Variants in CACNA1H observed in about 807,000 individuals in gnomAD.
CACNA1H encodes the protein calcium voltage-gated channel subunit alpha1 H.
Under a neutral mutation model 192.5 loss-of-function variants are expected in CACNA1H, and 149 were observed. The observed-to-expected ratio is 0.77, with a 90% CI of 0.68 to 0.89. The LOEUF (loss-of-function observed/expected upper bound fraction) is 0.89, where lower values mean the gene tolerates loss of function less well. Among genes scored for constraint, CACNA1H ranks in the 40% least tolerant of loss-of-function variants. The probability of loss-of-function intolerance (pLI) is 0.00; values close to 1 mark genes in which losing one functional copy is unlikely to be tolerated. For synonymous variants in CACNA1H, 2,202 were observed against 1,475.2 expected, an observed-to-expected ratio of 1.49 and a Z score of -11.29; for missense variants, 4,257 against 3,423.5, an observed-to-expected ratio of 1.24 and a Z score of -6.08.
At chr16:1,196,714 G>C (rs986875902) in intron 5 of CACNA1H, among the ~76,000 whole-genome samples, 1 of 152,294 alleles carries the variant, frequency 6.6e-6, no homozygotes, top group South Asian at 2.1e-4. Flanking sequence ...TCTGCTGTGC[G>C]CTGGGTGTGA....
intron 2 of CACNA1H, among the ~76,000 whole-genome samples, chr16:1,184,820 T>C (rs1313710424): frequency 6.6e-6 from 1 of 152,210 alleles, no homozygotes; most frequent in African/African-American, 2.4e-5. Flanking sequence ...GAAGGGAAGC[T>C]GCCATTTAAA....
intron 17 of CACNA1H, 71 bp downstream of exon 17, chr16:1,209,483 T>C: frequency 6.4e-7 from 1 of 1,556,980 alleles, no homozygotes. Flanking sequence ...TCAAGTGGGG[T>C]TTGAGATGGG....
intron 2 of CACNA1H, among the ~76,000 whole-genome samples, chr16:1,168,186 T>A (rs569744378): frequency 1.3e-5 from 2 of 150,048 alleles, no homozygotes; most frequent in East Asian, 3.9e-4. Context: ...GGGCGGTTGA[T>A]GTGGGATCCC....
intron 2 of CACNA1H, among the ~76,000 whole-genome samples, chr16:1,160,372 C>A (rs1051330604): frequency 3.9e-5 from 6 of 152,304 alleles, no homozygotes; most frequent in African/African-American, 1.2e-4. Flanking sequence ...TGGGCAGATA[C>A]AAGGGGTGAA....
Position 1,212,485 on chromosome 16 carries a change from C to T in CACNA1H, c.4760-26C>T, listed in dbSNP as rs534591396. The T allele has an allele frequency of 1.4e-5, 22 of 1,608,950 alleles. No individual in the cohort carries two copies. The African/African-American group carries it at 2.5e-4, about 19-fold the overall frequency. On this transcript the variant is annotated intron_variant, in intron 25 of 34. Coordinates refer to ENST00000348261, the MANE Select transcript of CACNA1H (RefSeq NM_021098.3). ...GCCCGAGTGCGCCACGCCCTCGGCC[C>T]TCAGACCATCTCCTTGTCTTTCCAG...
In CACNA1H at chr16:1,153,121, G is replaced by A. The variant is rs1367968575; in HGVS notation, c.-368G>A. 1 of 143,054 alleles carries A rather than the reference G, an allele frequency of 7.0e-6. No homozygotes were observed. Among genetic ancestry groups the A allele is most frequent in the Non-Finnish European group, 1.5e-5 (1 of 64,530 alleles). The allele number at this position is 143,054 out of a possible 1,614,324, so 8.9% of individuals were successfully genotyped here. ...CCCGCCGCTCAGCCCGAAGTTTCCT[G>A]CGCCGCGCGCGGACGGGCTCGAGGC... On this transcript the variant is annotated 5_prime_UTR_variant, in exon 1 of 35. Coordinates refer to ENST00000348261, the MANE Select transcript of CACNA1H (RefSeq NM_021098.3).
chr16:1,162,003 G>T (rs922028713), intron 2 of CACNA1H, among the ~76,000 whole-genome samples: 15 of 152,328 alleles, frequency 9.8e-5, no homozygotes, highest in African/African-American at 3.6e-4. Context: ...ACTGGCAGAG[G>T]TGGGCACTGA....
chr16:1,220,143 A>G lies in CACNA1H; in HGVS notation c.6211A>G (p.Lys2071Glu). 1 of 1,508,954 alleles carries G rather than the reference A, an allele frequency of 6.6e-7. No homozygotes were observed. The highest frequency in any genetic ancestry group is 8.8e-7 in the Non-Finnish European group (1 of 1,130,104). The allele number at this position is 1,508,954 out of a possible 1,614,324, so 93.5% of individuals were successfully genotyped here. ...ACGGCCCGCCAGCGTCCGCACTCGT[A>G]AGCATACCTTCGGACAGCGCTGCGT... ...SPRPASVRTR[K>E]HTFGQRCVSS... The change falls in exon 35 of 35, where the codon AAG becomes GAG. Residue 2071 changes from lysine (K) to glutamate (E), a missense_variant. Physicochemically the swap from Lys to Glu is moderately conservative, Grantham distance 56. Transcript: ENST00000348261.
chr16:1,157,577 C>G (rs971898994), intron 2 of CACNA1H: 3 of 152,298 alleles, frequency 2.0e-5, no homozygotes, highest in African/African-American at 7.2e-5. Flanking sequence ...CGCCTGCGCC[C>G]GCCTCCCCGG....
chr16:1,211,340 G>T lies in CACNA1H; in HGVS notation c.4350+46G>T, dbSNP rs369268913. 3.1e-6 allele frequency: 5 copies of T among 1,610,326 alleles called. No homozygotes were observed. In the African/African-American group the frequency reaches 6.7e-5, roughly 22 times the overall value. ...CGGGGGTCTGCCCCGTCGCAGACAG[G>T]GTCTGCCTTCCCAGCGTGGCTCCCA... On this transcript the variant is annotated intron_variant, in intron 22 of 34. Transcript: ENST00000348261.
chr16:1,211,141 T>A, intron 21 of CACNA1H, 27 bp from the exon 22 acceptor site: 1 of 1,609,616 alleles, frequency 6.2e-7, no homozygotes, highest in Non-Finnish European at 8.5e-7. Context: ...CATAGATGAC[T>A]GCAGTGTATC....
chr16:1,170,496 G>A (rs1395653404), intron 2 of CACNA1H, among the ~76,000 whole-genome samples: 1 of 152,208 alleles, frequency 6.6e-6, no homozygotes, highest in Non-Finnish European at 1.5e-5. Context: ...ACCGTGAACA[G>A]TGAAAGACGT....
At position 1,219,105 on chromosome 16, in the gene CACNA1H, G is replaced by A. The variant is rs750277154; in HGVS notation, c.6023G>A (p.Ser2008Asn). Reference protein sequence around the residue: ...LSPRGTARSPSLSRLLCRQEA... With the variant: ...LSPRGTARSPNLSRLLCRQEA... ...CCTCGGGGCACAGCCCGCTCCCCCA[G>A]TCTCAGCCGGCTGCTCTGCAGACAG... is the stretch of plus-strand genomic sequence containing the variant. Residue 2008 changes from serine (S) to asparagine (N), a missense_variant, in exon 34 of 35, where the codon AGT (serine) becomes AAT (asparagine). Physicochemically the swap from Ser to Asn is conservative, Grantham distance 46 (BLOSUM62 1). Coordinates refer to ENST00000348261, the MANE Select transcript of CACNA1H (RefSeq NM_021098.3). 1 of 1,545,338 alleles carries A rather than the reference G, an allele frequency of 6.5e-7. No individual in the cohort carries two copies. Among genetic ancestry groups the A allele is most frequent in the Non-Finnish European group, 8.7e-7 (1 of 1,144,120 alleles).
chr16:1,221,638 T>G lies in CACNA1H; in HGVS notation c.*644T>G. 2.3e-6 allele frequency: 2 copies of G among 881,380 alleles called. No homozygotes were observed. The highest frequency in any genetic ancestry group is 3.7e-5 in the South Asian group (2 of 54,404). The allele number at this position is 881,380 out of a possible 1,614,324, so 54.6% of individuals were successfully genotyped here. A position where few individuals can be genotyped will look rare whatever the true frequency, so the allele number is the denominator to read the frequency against. The stretch of plus-strand genomic sequence containing the variant: ...CATCTGGGGGCGTTGGCCGCGAGAT[T>G]CCCATTGACACCTTTGTTTCGTGTG... On this transcript the variant is annotated 3_prime_UTR_variant, in exon 35 of 35. Coordinates refer to ENST00000348261, the MANE Select transcript of CACNA1H (RefSeq NM_021098.3).
intron 2 of CACNA1H, among the ~76,000 whole-genome samples, chr16:1,161,372 C>T (rs1963178992): frequency 6.6e-6 from 1 of 152,236 alleles, no homozygotes; most frequent in African/African-American, 2.4e-5. Context: ...CTCCCCTCCC[C>T]AGCTGTCTGC....
intron 2 of CACNA1H, among the ~76,000 whole-genome samples, chr16:1,192,238 C>T (rs1409796885): frequency 6.6e-6 from 1 of 152,212 alleles, no homozygotes; most frequent in Non-Finnish European, 1.5e-5. Flanking sequence ...TGGGGTGGGT[C>T]TCAGTGGCAT....
At chr16:1,219,697 G>T (rs1006332109) in intron 34 of CACNA1H, among the ~76,000 whole-genome samples, 2 of 152,218 alleles carry the variant, frequency 1.3e-5, no homozygotes, top group Non-Finnish European at 2.9e-5. Context: ...ATGTCCAGGG[G>T]TGGGGAGGTG....
rs889165469 is a variant in CACNA1H, at chr16:1,205,985, T to C, written c.2604-119T>C. On this transcript the variant is annotated intron_variant, in intron 11 of 34. Coordinates refer to ENST00000348261, the MANE Select transcript of CACNA1H (RefSeq NM_021098.3). ...CTTGATGCAGCCATACCCTCTCCCA[T>C]CTGTGGGATGCAGCACAGGCCGCTG... 48 of 898,420 alleles carry C rather than the reference T, an allele frequency of 5.3e-5. 1 individual carries two copies. The African/African-American group carries it at 7.6e-4, about 14-fold the overall frequency. 55.7% of individuals were successfully genotyped at this position (898,420 alleles called of 1,614,324 possible).
At chr16:1,196,707 G>T (rs1967021006) in intron 5 of CACNA1H, among the ~76,000 whole-genome samples, 2 of 152,190 alleles carry the variant, frequency 1.3e-5, no homozygotes, top group Non-Finnish European at 2.9e-5. Flanking sequence ...CTGTGTGTCT[G>T]CTGTGCGCTG....
Sources: allele counts gnomAD v4.1 joint callset (sites outside exome capture counted in the v4.1 genomes callset), GRCh38; gene constraint gnomAD v4.1.1; transcripts MANE v1.5; gene names NCBI Gene and HGNC (gene_info 2026-07-23, HGNC 2026-07-21).